The following HCN1 variants were observed in gnomAD, a reference collection of about 807,000 sequenced individuals.
HCN1 encodes potassium/sodium hyperpolarization-activated cyclic nucleotide-gated channel 1.
In HCN1, 13 loss-of-function variants were observed where a neutral mutation model predicts 78.9. The observed-to-expected ratio is 0.16, with a 90% CI of 0.11 to 0.26. The LOEUF is 0.26. Ranked by LOEUF, HCN1 falls within the 10% of genes least tolerant of loss-of-function variation. The pLI is 1.00. For missense variants in HCN1, 810 were observed against 1,154.3 expected (o/e 0.70, Z 4.32); for synonymous variants, 552 against 455.5 (o/e 1.21, Z -2.70).
chr5:45,371,526 A>ATAC, intron 4 of HCN1, among the ~76,000 whole-genome samples: 1 of 151,772 alleles, frequency 6.6e-6, no homozygotes, highest in African/African-American at 2.4e-5. Context: ...TGGGAAGCCG[A>ATAC]GGTGGACAGA....
chr5:45,387,028 T>C (rs960955123), intron 4 of HCN1, among the ~76,000 whole-genome samples: 1 of 151,990 alleles, frequency 6.6e-6, no homozygotes, highest in African/African-American at 2.4e-5. Flanking sequence ...GCAATGAATA[T>C]GGAATATAAT....
intron 2 of HCN1, among the ~76,000 whole-genome samples, chr5:45,518,249 T>C (rs1257132448): frequency 6.6e-6 from 1 of 152,024 alleles, no homozygotes; most frequent in Non-Finnish European, 1.5e-5. Flanking sequence ...CAGAGTAGAC[T>C]CTAAATTGTT....
chr5:45,614,555 G>A (rs1415557837), intron 2 of HCN1, among the ~76,000 whole-genome samples: 1 of 151,934 alleles, frequency 6.6e-6, no homozygotes, highest in Non-Finnish European at 1.5e-5. Context: ...GTTACCTCAG[G>A]CTTTTTTGCT....
intron 4 of HCN1, among the ~76,000 whole-genome samples, chr5:45,376,020 A>T (rs1192952574): frequency 8.6e-6 from 1 of 115,898 alleles, no homozygotes; most frequent in African/African-American, 3.5e-5. Context: ...TTTATCATAT[A>T]CAATCTATAA....
In HCN1 at chr5:45,417,584, C is replaced by T. The variant is rs113089571; in HGVS notation, c.1012-20874G>A. 3.2e-3 allele frequency among the ~76,000 whole-genome samples: 489 copies of T among 151,502 alleles called. 2 individuals carry two copies. The highest frequency in any genetic ancestry group is 0.011 in the African/African-American group (466 of 41,380). On this transcript the variant is annotated intron_variant, in intron 3 of 7. Coordinates refer to ENST00000303230, the MANE Select transcript of HCN1 (RefSeq NM_021072.4). ...AGTGTGATATTCTTAATTGTGATAT[C>T]CAACATAAAGCTGAGAATTTTTTAG...
In HCN1 at chr5:45,321,172, C is replaced by T. The variant is rs192791776; in HGVS notation, c.1378-17333G>A. On this transcript the variant is annotated intron_variant, in intron 5 of 7. Coordinates refer to ENST00000303230, the MANE Select transcript of HCN1 (RefSeq NM_021072.4). Reference sequence around the variant, plus strand: ...GGTATCTCTGGATCTCCCTACACAGCCCCCAAAATAACATTTGTAATTTAT... The same window carrying T: ...GGTATCTCTGGATCTCCCTACACAGTCCCCAAAATAACATTTGTAATTTAT... 3.4e-3 allele frequency among the ~76,000 whole-genome samples: 522 copies of T among 151,832 alleles called. 3 individuals carry two copies. Among genetic ancestry groups the T allele is most frequent in the South Asian group, 0.011 (51 of 4,820 alleles).
chr5:45,257,692 T>C lies in HCN1; in HGVS notation c.*4229A>G, dbSNP rs558050146. On this transcript the variant is annotated 3_prime_UTR_variant, in exon 8 of 8. Transcript: ENST00000303230. ...AAAAAATTGAAATTGCTTAAGAAAG[T>C]CATTGCTTTTGAGGGGTAATAGCAG... The C allele has an allele frequency of 3.9e-5, 6 of 152,264 alleles. No individual in the cohort carries two copies. Among genetic ancestry groups the C allele is most frequent in the African/African-American group, 1.4e-4 (6 of 41,536 alleles). The allele number at this position is 152,264 out of a possible 1,614,324, so 9.4% of individuals were successfully genotyped here.
chr5:45,530,462 C>G (rs1036799981), intron 2 of HCN1, among the ~76,000 whole-genome samples: 1 of 148,004 alleles, frequency 6.8e-6, no homozygotes, highest in Non-Finnish European at 1.5e-5. Flanking sequence ...ATAAAGGGTG[C>G]TTTTTTGAGT....
intron 2 of HCN1, among the ~76,000 whole-genome samples, chr5:45,629,016 T>TA (rs927169995): frequency 9.9e-5 from 15 of 150,848 alleles, no homozygotes; most frequent in Non-Finnish European, 1.3e-4. Context: ...AAGAAATTAT[T>TA]AAAAAACATA....
intron 5 of HCN1, among the ~76,000 whole-genome samples, chr5:45,310,369 C>T (rs1745825898): frequency 6.6e-6 from 1 of 151,984 alleles, no homozygotes; most frequent in Non-Finnish European, 1.5e-5. Flanking sequence ...TGAACAGACA[C>T]TTCTCAAAAG....
intron 2 of HCN1, among the ~76,000 whole-genome samples, chr5:45,489,246 T>C (rs1741831546): frequency 6.6e-6 from 1 of 152,132 alleles, no homozygotes; most frequent in Non-Finnish European, 1.5e-5. Context: ...TTGGGGAGAA[T>C]TAATAGTTTT....
intron 2 of HCN1, among the ~76,000 whole-genome samples, chr5:45,529,013 A>G (rs2111798395): frequency 6.6e-6 from 1 of 152,146 alleles, no homozygotes; most frequent in Non-Finnish European, 1.5e-5. Context: ...AAAACACAGT[A>G]AAGACTGGCA....
intron 4 of HCN1, among the ~76,000 whole-genome samples, chr5:45,369,151 T>C (rs2112001827): frequency 6.6e-6 from 1 of 152,096 alleles, no homozygotes; most frequent in East Asian, 1.9e-4. Context: ...TGTTGTTGCA[T>C]ATATCCGTAG....
At chr5:45,422,340 T>C (rs1469043966) in intron 3 of HCN1, among the ~76,000 whole-genome samples, 1 of 152,176 alleles carries the variant, frequency 6.6e-6, no homozygotes, top group Non-Finnish European at 1.5e-5. Context: ...TTTAAATAAA[T>C]TTGTAATATT....
At chr5:45,539,107 A>G (rs933898581) in intron 2 of HCN1, among the ~76,000 whole-genome samples, 14 of 152,314 alleles carry the variant, frequency 9.2e-5, no homozygotes, top group Admixed American at 9.2e-4. Context: ...CAAATCTCAA[A>G]TTCTACTAAA....
chr5:45,320,116 C>A (rs1040710972), intron 5 of HCN1, among the ~76,000 whole-genome samples: 17 of 151,892 alleles, frequency 1.1e-4, no homozygotes, highest in South Asian at 8.3e-4. Context: ...CTCCAACACA[C>A]CCTATATTTT....
intron 5 of HCN1, 88 bp from the exon 6 acceptor site, chr5:45,303,927 A>C: frequency 8.9e-7 from 1 of 1,128,746 alleles, no homozygotes; most frequent in Non-Finnish European, 1.3e-6. Flanking sequence ...TATATACAGC[A>C]TAACATTGTA....
intron 2 of HCN1, among the ~76,000 whole-genome samples, chr5:45,544,849 C>G (rs1459461787): frequency 1.3e-5 from 2 of 152,016 alleles, no homozygotes; most frequent in Admixed American, 6.6e-5. Context: ...CAGTCTATCA[C>G]TGATGGACAT....
chr5:45,378,568 T>C (rs940336025), intron 4 of HCN1, among the ~76,000 whole-genome samples: 2 of 152,090 alleles, frequency 1.3e-5, no homozygotes, highest in African/African-American at 4.8e-5. Flanking sequence ...TATCTATCCA[T>C]TCATTGATTA....
Sources: gnomAD v4.1 joint callset for allele counts (sites outside exome capture counted in the v4.1 genomes callset) on GRCh38, gnomAD v4.1.1 for gene constraint, MANE v1.5 for transcripts, NCBI Gene and HGNC (gene_info 2026-07-23, HGNC 2026-07-21) for gene names.